The following CA5A variants were observed in gnomAD, a reference collection of about 807,000 sequenced individuals.
CA5A encodes carbonic anhydrase 5A, also known as carbonic anhydrase 5A, mitochondrial.
A neutral mutation model predicts 37.1 loss-of-function variants in CA5A; 28 were observed. That is an observed-to-expected ratio of 0.75 (90% confidence interval 0.56 to 1.03). CA5A has a LOEUF of 1.03. CA5A is among the 50% of genes least tolerant of loss of function. CA5A has a pLI of 0.00. For synonymous variants in CA5A, 171 were observed against 158.4 expected (o/e 1.08, Z -0.60); for missense variants, 444 against 399.9 (o/e 1.11, Z -0.94).
intron 2 of CA5A, among the ~76,000 whole-genome samples, chr16:87,917,729 A>G (rs1242288803): frequency 7.9e-6 from 1 of 127,150 alleles, no homozygotes; most frequent in Admixed American, 7.5e-5. Context: ...ACGTGCACAC[A>G]CACATGAACA....
chr16:87,935,542 C>T (rs748642179), intron 1 of CA5A, among the ~76,000 whole-genome samples: 4 of 152,164 alleles, frequency 2.6e-5, no homozygotes, highest in African/African-American at 4.8e-5. Context: ...ACCCCTGAAA[C>T]GGAGGCTAAA....
intron 2 of CA5A, among the ~76,000 whole-genome samples, chr16:87,907,346 G>GA (rs1337566883): frequency 2.0e-5 from 3 of 152,186 alleles, no homozygotes; most frequent in Admixed American, 6.6e-5. Context: ...GTCTGTGGGG[G>GA]AAAGGGGGTT....
chr16:87,891,815 T>C lies in CA5A; in HGVS notation c.758A>G (p.Glu253Gly). The C allele has an allele frequency of 6.5e-7, 1 of 1,541,390 alleles. No individual in the cohort carries two copies. Among genetic ancestry groups the C allele is most frequent in the Non-Finnish European group, 8.7e-7 (1 of 1,147,726 alleles). ...ACGGCTCACCTGGCTTGGGGCCACT[T>C]CAACGGGCTCCTTCTGGATGATCCA... The part of the protein sequence containing the change: ...VTWIIQKEPV[E>G]VAPSQLSAFR... The change falls in exon 6 of 7, where the codon GAA (glutamate) becomes GGA (glycine). Residue 253 changes from glutamate to glycine, a missense_variant. Coordinates refer to ENST00000649794, the MANE Select transcript of CA5A (RefSeq NM_001739.2).
At chr16:87,893,708 T>G in intron 5 of CA5A, 1 of 522,296 alleles carries the variant, frequency 1.9e-6, no homozygotes. Flanking sequence ...AAGGCAGATT[T>G]GGTCGTGGAC....
chr16:87,892,035 T>C, intron 5 of CA5A, 81 bp from the exon 6 acceptor site: 1 of 1,303,894 alleles, frequency 7.7e-7, no homozygotes, highest in Non-Finnish European at 1.0e-6. Flanking sequence ...CGTGAGGCCT[T>C]CATGGTGCTT....
intron 2 of CA5A, among the ~76,000 whole-genome samples, chr16:87,922,997 C>T (rs147143821): frequency 6.6e-6 from 1 of 152,190 alleles, no homozygotes; most frequent in Non-Finnish European, 1.5e-5. Context: ...CAAGTGAAGC[C>T]CTTGGTGAGG....
intron 5 of CA5A, among the ~76,000 whole-genome samples, chr16:87,899,948 A>T (rs925525900): frequency 3.7e-5 from 5 of 134,550 alleles, no homozygotes; most frequent in Admixed American, 2.2e-4. Flanking sequence ...AAAAAAAAAA[A>T]AAAAGAGTCT....
chr16:87,902,845 G>C (rs1337308100), intron 3 of CA5A, among the ~76,000 whole-genome samples: 1 of 151,498 alleles, frequency 6.6e-6, no homozygotes, highest in African/African-American at 2.4e-5. Context: ...CCAGGAGGTA[G>C]AGCTTGCAGT....
chr16:87,900,503 A>C (rs1409125044), intron 5 of CA5A, among the ~76,000 whole-genome samples: 2 of 152,246 alleles, frequency 1.3e-5, no homozygotes, highest in Non-Finnish European at 2.9e-5. Flanking sequence ...TTGAAGCCTC[A>C]TCCGTCCGCA....
intron 5 of CA5A, 31 bp from the exon 6 acceptor site, chr16:87,891,985 G>T (rs933877372): frequency 6.7e-7 from 1 of 1,497,170 alleles, no homozygotes; most frequent in African/African-American, 1.4e-5. Flanking sequence ...GGACGTGTCA[G>T]TCCTCAGGGG....
At chr16:87,920,628 A>T (rs1182634917) in intron 2 of CA5A, among the ~76,000 whole-genome samples, 1 of 144,880 alleles carries the variant, frequency 6.9e-6, no homozygotes, top group Non-Finnish European at 1.5e-5. Flanking sequence ...CACTTATTTT[A>T]TTTTTTTGAA....
At position 87,926,887 on chromosome 16, in the gene CA5A, A is replaced by G. The variant is rs1402786520; in HGVS notation, c.201T>C (p.Ile67=). The change falls in exon 2 of 7, where the codon ATT becomes ATC. Residue 67 remains isoleucine, a synonymous_variant. Transcript: ENST00000649794. ...AGACGCTGTCCCTCCACTGGATGTTAATAGGAGACTGCCGGGTGCCCCCTG... is the reference window on the plus strand; with the variant it reads ...AGACGCTGTCCCTCCACTGGATGTTGATAGGAGACTGCCGGGTGCCCCCTG... ...SVPGGTRQSP[I]NIQWRDSVYD... 1 of 1,610,992 alleles carries G rather than the reference A, an allele frequency of 6.2e-7. No individual in the cohort carries two copies. The highest frequency in any genetic ancestry group is 8.5e-7 in the Non-Finnish European group (1 of 1,178,460).
At chr16:87,923,085 C>T (rs1299923436) in intron 2 of CA5A, among the ~76,000 whole-genome samples, 1 of 152,252 alleles carries the variant, frequency 6.6e-6, no homozygotes, top group African/African-American at 2.4e-5. Context: ...TCACCCTTGG[C>T]AGTCGCCCCT....
intron 5 of CA5A, among the ~76,000 whole-genome samples, chr16:87,901,422 C>A (rs762537584): frequency 6.6e-6 from 1 of 152,152 alleles, no homozygotes. Flanking sequence ...GTCAGAGAGA[C>A]CTAGCTGTGG....
At chr16:87,936,228 C>T in intron 1 of CA5A, 81 bp downstream of exon 1, 2 of 934,110 alleles carry the variant, frequency 2.1e-6, no homozygotes, top group South Asian at 1.5e-5. Flanking sequence ...TCGGGACGGT[C>T]TCTCCTCTCT....
intron 1 of CA5A, among the ~76,000 whole-genome samples, chr16:87,930,361 C>T (rs975793253): frequency 6.6e-6 from 1 of 152,184 alleles, no homozygotes; most frequent in Non-Finnish European, 1.5e-5. Flanking sequence ...AGATCCTGGC[C>T]TCTGGGAGTC....
chr16:87,902,020 G>T (rs777085917), intron 4 of CA5A, 46 bp from the exon 5 acceptor site: 27 of 1,544,292 alleles, frequency 1.7e-5, no homozygotes, highest in South Asian at 3.3e-5. Context: ...GCAGTGGATG[G>T]GGGGGGAAGC....
intron 1 of CA5A, among the ~76,000 whole-genome samples, chr16:87,932,993 G>C (rs561716931): frequency 6.6e-6 from 1 of 152,238 alleles, no homozygotes; most frequent in Non-Finnish European, 1.5e-5. Context: ...GCCCTCCGCC[G>C]TGAGAAGAAC....
chr16:87,926,657 C>G (rs2144070307), intron 2 of CA5A, 91 bp downstream of exon 2: 3 of 1,017,862 alleles, frequency 2.9e-6, no homozygotes, highest in Middle Eastern at 3.1e-4. Flanking sequence ...CAGCACCTTC[C>G]TGCTCTCCTC....
Sources: gnomAD v4.1 joint callset for allele counts (sites outside exome capture counted in the v4.1 genomes callset) on GRCh38, gnomAD v4.1.1 for gene constraint, MANE v1.5 for transcripts, NCBI Gene and HGNC (gene_info 2026-07-23, HGNC 2026-07-21) for gene names.